The following WDPCP variants were observed in gnomAD, a reference collection of about 807,000 sequenced individuals.
WDPCP encodes WD repeat containing planar cell polarity effector, also known as WD repeat-containing and planar cell polarity effector protein fritz homolog.
WDPCP carries 71 observed loss-of-function variants against 93.1 expected under a neutral mutation model. The observed-to-expected ratio is 0.76, with a 90% CI of 0.63 to 0.93. The LOEUF (loss-of-function observed/expected upper bound fraction) is 0.93. WDPCP is among the 40% of genes least tolerant of loss of function. The pLI, the probability that WDPCP is intolerant of heterozygous loss-of-function variation, is 0.00. For synonymous variants in WDPCP, 315 were observed against 315.0 expected, an observed-to-expected ratio of 1.00 and a Z score of 0.00; for missense variants, 844 against 887.4, an observed-to-expected ratio of 0.95 and a Z score of 0.62.
the WDPCP span, among the ~76,000 whole-genome samples, chr2:63,838,246 A>G: frequency 6.6e-6 from 1 of 152,220 alleles, no homozygotes; most frequent in South Asian, 2.1e-4. Flanking sequence ...GCACCAAAAA[A>G]GATGCTTAGA....
intron 14 of WDPCP, among the ~76,000 whole-genome samples, chr2:63,257,989 A>G (rs1289448985): frequency 6.6e-6 from 1 of 152,176 alleles, no homozygotes; most frequent in Non-Finnish European, 1.5e-5. Context: ...TTTCCCCATC[A>G]TATAACGTCA....
At chr2:63,269,555 T>TA (rs1206824864) in intron 13 of WDPCP, among the ~76,000 whole-genome samples, 2 of 152,132 alleles carry the variant, frequency 1.3e-5, no homozygotes, top group South Asian at 2.1e-4. Context: ...CATTTAAAGC[T>TA]AAAAAAATCT....
chr2:63,163,126 A>C (rs1360108463), intron 15 of WDPCP, among the ~76,000 whole-genome samples: 2 of 152,202 alleles, frequency 1.3e-5, no homozygotes, highest in African/African-American at 2.4e-5. Context: ...TTAGTGGATC[A>C]GAAAAAGAAA....
chr2:63,566,060 C>A (rs1707025878), intron 1 of WDPCP, among the ~76,000 whole-genome samples: 1 of 152,206 alleles, frequency 6.6e-6, no homozygotes, highest in Non-Finnish European at 1.5e-5. Flanking sequence ...TCCTTCTCTT[C>A]TCCAACCTCA....
chr2:63,808,532 C>T (rs542137615), intron 2 of WDPCP, among the ~76,000 whole-genome samples: 5 of 152,314 alleles, frequency 3.3e-5, no homozygotes, highest in South Asian at 4.1e-4. Context: ...TTGGTGGAGA[C>T]GGGGTTTCGC....
intron 2 of WDPCP, among the ~76,000 whole-genome samples, chr2:63,745,464 T>C (rs979728711): frequency 2.0e-5 from 3 of 152,182 alleles, no homozygotes; most frequent in African/African-American, 7.2e-5. Context: ...TAAAAACATA[T>C]GTATTTACAT....
chr2:63,265,579 C>T (rs1198709896), intron 13 of WDPCP, among the ~76,000 whole-genome samples: 2 of 152,136 alleles, frequency 1.3e-5, no homozygotes, highest in Non-Finnish European at 2.9e-5. Flanking sequence ...CTGAATTATA[C>T]CAAACACTGA....
intron 3 of WDPCP, among the ~76,000 whole-genome samples, chr2:63,611,740 A>G (rs1164750565): frequency 6.6e-6 from 1 of 152,240 alleles, no homozygotes; most frequent in Non-Finnish European, 1.5e-5. Context: ...CAGTAGAAAT[A>G]TATACGCTTT....
At chr2:63,393,040 A>G (rs1408993338) in intron 10 of WDPCP, among the ~76,000 whole-genome samples, 1 of 152,250 alleles carries the variant, frequency 6.6e-6, no homozygotes, top group Non-Finnish European at 1.5e-5. Flanking sequence ...ATTACTGGGT[A>G]TATACCCAAA....
intron 14 of WDPCP, among the ~76,000 whole-genome samples, chr2:63,183,256 T>C (rs560133945): frequency 6.6e-6 from 1 of 152,208 alleles, no homozygotes; most frequent in East Asian, 1.9e-4. Flanking sequence ...TCTTTGGCTG[T>C]AAGCATTTAA....
At chr2:63,160,102 A>G (rs558312026) in intron 15 of WDPCP, among the ~76,000 whole-genome samples, 2 of 152,174 alleles carry the variant, frequency 1.3e-5, no homozygotes, top group East Asian at 3.9e-4. Flanking sequence ...TTTCTTCTGT[A>G]TTATTTACTT....
intron 1 of WDPCP, among the ~76,000 whole-genome samples, chr2:63,526,285 C>A (rs1158254954): frequency 6.6e-6 from 1 of 152,152 alleles, no homozygotes; most frequent in Non-Finnish European, 1.5e-5. Flanking sequence ...CTGCTTCTGT[C>A]TCTCAGGAAT....
Position 63,170,315 on chromosome 2 carries a change from C to G in WDPCP, c.2078+4355G>C, listed in dbSNP as rs548076370. Among the ~76,000 whole-genome samples the G allele has an allele frequency of 3.3e-5, 5 of 151,330 alleles. No individual in the cohort carries two copies. In the South Asian group the frequency reaches 1.0e-3, roughly 32 times the overall value. On this transcript the variant is annotated intron_variant, in intron 15 of 17. Transcript: ENST00000272321. ...TGAGATGGAGTCTCACTCTGTCACC[C>G]TGGCTGGAGTGCAATGGTGCAATCT...
intron 6 of WDPCP, among the ~76,000 whole-genome samples, chr2:63,480,245 A>C (rs1329337643): frequency 6.6e-6 from 1 of 152,182 alleles, no homozygotes; most frequent in Non-Finnish European, 1.5e-5. Context: ...GATCACACAA[A>C]CAAATGGAAA....
chr2:63,469,340 A>G (rs1054716237), intron 6 of WDPCP, among the ~76,000 whole-genome samples: 1 of 152,212 alleles, frequency 6.6e-6, no homozygotes, highest in African/African-American at 2.4e-5. Flanking sequence ...TAGCAATCCC[A>G]TTACTGGGAT....
chr2:63,776,052 A>C (rs909071325), intron 2 of WDPCP, among the ~76,000 whole-genome samples: 2 of 151,654 alleles, frequency 1.3e-5, no homozygotes, highest in Non-Finnish European at 2.9e-5. Flanking sequence ...CAACAGAGTG[A>C]GACTCTGCCT....
intron 2 of WDPCP, among the ~76,000 whole-genome samples, chr2:63,488,203 T>C (rs550438541): frequency 6.6e-6 from 1 of 152,204 alleles, no homozygotes; most frequent in East Asian, 1.9e-4. Flanking sequence ...ATTTCTTTCA[T>C]TGAAGGAACA....
rs545188145 is a variant in WDPCP, at chr2:63,461,714, AATATATAATACATTC to A, written c.385-21858_385-21844del. Among the ~76,000 whole-genome samples the A allele has an allele frequency of 3.8e-3, 577 of 152,310 alleles. 3 individuals carry two copies. Among genetic ancestry groups the A allele is most frequent in the African/African-American group, 0.013 (540 of 41,558 alleles). On this transcript the variant is annotated intron_variant, in intron 6 of 17. Coordinates refer to ENST00000272321, the MANE Select transcript of WDPCP (RefSeq NM_015910.7). Reference sequence around the variant, plus strand: ...AATTCAAATTATTGATTCATGTTGGAATATATAATACATTCATGTAGCTCCAAAAGAACACAACAG... The same window carrying A: ...AATTCAAATTATTGATTCATGTTGGAATGTAGCTCCAAAAGAACACAACAG...
intron 2 of WDPCP, among the ~76,000 whole-genome samples, chr2:63,692,803 A>C (rs986374259): frequency 6.6e-6 from 1 of 152,236 alleles, no homozygotes; most frequent in Admixed American, 6.5e-5. Context: ...TGACATTCTT[A>C]TGTATTATGT....
Sources: allele counts gnomAD v4.1 joint callset (sites outside exome capture counted in the v4.1 genomes callset), GRCh38; gene constraint gnomAD v4.1.1; transcripts MANE v1.5; gene names NCBI Gene and HGNC (gene_info 2026-07-23, HGNC 2026-07-21).